IGSF10: variants seen among roughly 807,000 people sequenced by gnomAD.
The protein encoded by IGSF10 is immunoglobulin superfamily member 10, also known as calvaria mechanical force protein 608.
In IGSF10, 126 loss-of-function variants were observed where a neutral mutation model predicts 128.2. The observed-to-expected ratio is 0.98, with a 90% CI of 0.85 to 1.14. IGSF10 has a LOEUF of 1.14. Among genes scored for constraint, IGSF10 ranks in the 50% most tolerant of loss-of-function variants. IGSF10 has a pLI of 0.00. For missense variants in IGSF10, 3,295 were observed against 3,149.8 expected, an observed-to-expected ratio of 1.05 and a Z score of -1.10; for synonymous variants, 1,185 against 1,146.2, an observed-to-expected ratio of 1.03 and a Z score of -0.68.
the IGSF10 span, among the ~76,000 whole-genome samples, chr3:151,598,523 G>A: frequency 6.6e-6 from 1 of 152,184 alleles, no homozygotes; most frequent in Non-Finnish European, 1.5e-5. Flanking sequence ...ACTCAAGGCT[G>A]TTATATAGAA....
the IGSF10 span, among the ~76,000 whole-genome samples, chr3:151,526,672 T>G: frequency 6.6e-6 from 1 of 152,206 alleles, no homozygotes; most frequent in Non-Finnish European, 1.5e-5. Context: ...TTTCTTTCCT[T>G]GATGTTTTTC....
At chr3:151,539,049 T>C in the IGSF10 span, among the ~76,000 whole-genome samples, 2 of 152,216 alleles carry the variant, frequency 1.3e-5, no homozygotes, top group Non-Finnish European at 1.5e-5. Flanking sequence ...CAAAAATTTC[T>C]GGCAGATGGC....
rs781278592 is a variant in IGSF10, at chr3:151,446,445, G to T, written c.3536C>A (p.Ser1179Ter). ...CTTGGTGATAGCACCTGAAAGTGACGATGTAATCACTGAATCTCTTTTAGC... is the reference window on the plus strand; with the variant it reads ...CTTGGTGATAGCACCTGAAAGTGACTATGTAATCACTGAATCTCTTTTAGC... ...NEAKRDSVIT[S>*]SLSGAITKPP... The change falls in exon 6 of 8, where the codon TCG becomes TAG. Residue 1179 changes from serine to a stop codon, truncating the protein, a stop_gained. Coordinates refer to ENST00000282466, the MANE Select transcript of IGSF10 (RefSeq NM_178822.5). LOFTEE classifies it high-confidence loss of function. The T allele has an allele frequency of 9.9e-6, 16 of 1,613,992 alleles. No homozygotes were observed. Among genetic ancestry groups the T allele is most frequent in the East Asian group, 2.2e-5 (1 of 44,880 alleles).
the IGSF10 span, among the ~76,000 whole-genome samples, chr3:151,511,398 C>G: frequency 6.6e-6 from 1 of 152,142 alleles, no homozygotes; most frequent in Non-Finnish European, 1.5e-5. Flanking sequence ...TAAAATACTT[C>G]ACAGGCAAGC....
At position 151,448,446 on chromosome 3, in the gene IGSF10, G is replaced by C. The variant is rs959556806; in HGVS notation, c.1535C>G (p.Ala512Gly). ...AGGGGCTCTCACTTTACTTCCATCA[G>C]CTAGAAGCCAATCCACGTGTGGGGT... ...DPTPHVDWLLADGSKVRAPYV... is the reference protein window; with the variant it reads ...DPTPHVDWLLGDGSKVRAPYV... The change falls in exon 6 of 8, where the codon GCT (alanine) becomes GGT (glycine). Residue 512 changes from alanine to glycine, a missense_variant. Physicochemically the swap from Ala to Gly is moderately conservative, Grantham distance 60. Coordinates refer to ENST00000282466, the MANE Select transcript of IGSF10 (RefSeq NM_178822.5). 5 of 1,614,204 alleles carry C rather than the reference G, an allele frequency of 3.1e-6. No individual in the cohort carries two copies. The East Asian group carries it at 1.1e-4, about 36-fold the overall frequency.
the IGSF10 span, among the ~76,000 whole-genome samples, chr3:151,533,633 C>G: frequency 6.6e-6 from 1 of 152,186 alleles, no homozygotes; most frequent in African/African-American, 2.4e-5. Flanking sequence ...CCCTTCCTTA[C>G]ACCTTATACA....
chr3:151,531,912 G>A, the IGSF10 span, among the ~76,000 whole-genome samples: 1 of 151,796 alleles, frequency 6.6e-6, no homozygotes, highest in South Asian at 2.1e-4. Context: ...TTTTTTAAAA[G>A]ATCAACAAAA....
chr3:151,544,915 C>T, the IGSF10 span, among the ~76,000 whole-genome samples: 1 of 152,034 alleles, frequency 6.6e-6, no homozygotes, highest in Non-Finnish European at 1.5e-5. Context: ...GTCTTCTATA[C>T]TGATTCTCTA....
At chr3:151,562,642 AG>A in the IGSF10 span, among the ~76,000 whole-genome samples, 44 of 152,168 alleles carry the variant, frequency 2.9e-4, no homozygotes, top group African/African-American at 1.0e-3. Context: ...CAAGAGTGGA[AG>A]GTACTTGGCC....
At chr3:151,527,240 AAT>A in the IGSF10 span, among the ~76,000 whole-genome samples, 1 of 152,164 alleles carries the variant, frequency 6.6e-6, no homozygotes, top group Non-Finnish European at 1.5e-5. Context: ...CACCTAACCT[AAT>A]AGGCCCATAC....
rs776551400 is a variant in IGSF10 at position 151,436,964 on chromosome 3, G to C, written c.7597C>G (p.Arg2533Gly). ...IVAYPPRITN[R>G]PPRSIVTRTG... is the part of the protein sequence containing the mutation. ...CTGGTGACAATACTCCTGGGTGGACGATTTGTAATTCGGGGAGGGTAGGCT... is the reference window on the plus strand; with the variant it reads ...CTGGTGACAATACTCCTGGGTGGACCATTTGTAATTCGGGGAGGGTAGGCT... The change falls in exon 8 of 8, where the codon CGT (arginine) becomes GGT (glycine). Residue 2533 changes from arginine (R) to glycine (G), a missense_variant. Physicochemically the swap from Arg to Gly is moderately radical, Grantham distance 125. Coordinates refer to ENST00000282466, the MANE Select transcript of IGSF10 (RefSeq NM_178822.5). 2.5e-6 allele frequency: 4 copies of C among 1,614,204 alleles called. No homozygotes were observed. The highest frequency in any genetic ancestry group is 3.4e-6 in the Non-Finnish European group (4 of 1,180,026).
chr3:151,489,790 G>C, the IGSF10 span, among the ~76,000 whole-genome samples: 3 of 152,118 alleles, frequency 2.0e-5, no homozygotes, highest in African/African-American at 7.2e-5. Context: ...ATGGACACAG[G>C]GAGGGGAACA....
downstream of IGSF10, chr3:151,435,606 A>G (rs1363392941): frequency 7.7e-6 from 1 of 130,078 alleles, no homozygotes; most frequent in Admixed American, 8.5e-5. Context: ...TTTCCCATTT[A>G]TAAAGCTCCT....
chr3:151,607,912 G>GAAAAAAAAAAAAAAAAAAAAAAAA, the IGSF10 span, among the ~76,000 whole-genome samples: 1 of 42,044 alleles, frequency 2.4e-5, no homozygotes, highest in Non-Finnish European at 4.0e-5. Context: ...CTCCATCTCG[G>GAAAAAAAAAAAAAAAAAAAAAAAA]AAAAAAAAAA....
At chr3:151,436,167 G>C (rs1196935494), downstream of IGSF10, 5 of 152,230 alleles carry the variant, frequency 3.3e-5, no homozygotes, top group African/African-American at 9.7e-5. Context: ...TTTTCAGTGT[G>C]AACAAATGGT....
At chr3:151,563,593 A>G in the IGSF10 span, among the ~76,000 whole-genome samples, 79 of 152,262 alleles carry the variant, frequency 5.2e-4, 1 homozygote, top group Non-Finnish European at 8.8e-4. Flanking sequence ...TTAGAATTAT[A>G]TCCAAGTGCT....
downstream of IGSF10, chr3:151,435,223 C>G (rs530288134): frequency 1.4e-5 from 2 of 143,784 alleles, no homozygotes; most frequent in Non-Finnish European, 3.0e-5. Context: ...AAGACAAGAC[C>G]TTGAAATCAA....
chr3:151,547,508 T>C, the IGSF10 span, among the ~76,000 whole-genome samples: 1 of 151,998 alleles, frequency 6.6e-6, no homozygotes, highest in Non-Finnish European at 1.5e-5. Context: ...TCTCTCAGTA[T>C]AGACATCATG....
rs200316867 is a variant in IGSF10 at position 151,448,505 on chromosome 3, G to A, written c.1476C>T (p.Thr492=). ...CTTGGCCTGGGCAGTTCAGGCCAAC[G>A]GTTCCACCTACCAAGACAGTATGTT... The part of the protein sequence containing the change: ...KLEHTVLVGG[T]VGLNCPGQGD... Residue 492 remains threonine (T), a synonymous_variant, in exon 6 of 8, where the codon ACC becomes ACT. Transcript: ENST00000282466. 5.0e-5 allele frequency: 80 copies of A among 1,614,170 alleles called. No homozygotes were observed. Among genetic ancestry groups the A allele is most frequent in the East Asian group, 2.5e-4 (11 of 44,884 alleles).
Sources: gnomAD v4.1 joint callset for allele counts (sites outside exome capture counted in the v4.1 genomes callset) on GRCh38, gnomAD v4.1.1 for gene constraint, MANE v1.5 for transcripts, NCBI Gene and HGNC (gene_info 2026-07-23, HGNC 2026-07-21) for gene names.